The following PSD3 variants were observed in gnomAD, a reference collection of about 807,000 sequenced individuals.
PSD3 encodes the protein pleckstrin and Sec7 domain containing 3.
Under a neutral mutation model 105.5 loss-of-function variants are expected in PSD3, and 49 were observed. The ratio of observed to expected loss-of-function variants is 0.46; its 90% CI spans 0.37 to 0.59. The LOEUF is 0.59. Ranked by LOEUF, PSD3 falls within the 20% of genes least tolerant of loss-of-function variation. The pLI is 0.00. For synonymous variants in PSD3, 557 were observed against 457.8 expected (o/e 1.22, Z -2.77); for missense variants, 1,561 against 1,263.8 (o/e 1.24, Z -3.57).
intron 1 of PSD3, among the ~76,000 whole-genome samples, chr8:19,055,704 C>A (rs573005588): frequency 5.9e-5 from 9 of 152,310 alleles, no homozygotes; most frequent in African/African-American, 2.2e-4. Flanking sequence ...GTTGACAAAG[C>A]AAAGTTACAC....
chr8:18,771,547 T>C (rs540350706), intron 8 of PSD3, among the ~76,000 whole-genome samples: 1 of 152,240 alleles, frequency 6.6e-6, no homozygotes, highest in Non-Finnish European at 1.5e-5. Flanking sequence ...TTCAACTTCA[T>C]TCTTTTACAT....
At chr8:18,669,631 G>C (rs1166779524) in intron 9 of PSD3, among the ~76,000 whole-genome samples, 2 of 152,242 alleles carry the variant, frequency 1.3e-5, no homozygotes, top group East Asian at 3.9e-4. Context: ...GCACACGACA[G>C]TGAGATTGCA....
chr8:18,846,822 G>A (rs887116821), intron 4 of PSD3, among the ~76,000 whole-genome samples: 4 of 152,080 alleles, frequency 2.6e-5, no homozygotes, highest in Admixed American at 2.0e-4. Flanking sequence ...ATTATGGCAG[G>A]TTGGTGCTGG....
At position 18,896,633 on chromosome 8, in the gene PSD3, G is replaced by C. The variant is rs192560366; in HGVS notation, c.131-23900C>G. 4.0e-3 allele frequency among the ~76,000 whole-genome samples: 605 copies of C among 151,974 alleles called. 15 individuals are homozygous for C. The highest frequency in any genetic ancestry group is 0.037 in the Admixed American group (570 of 15,262). ...TCACCAGATTGCCCAGGCTGGTCTT[G>C]AACTCCTGAGCTCAAGCCATCTGCC... On this transcript the variant is annotated intron_variant, in intron 2 of 15. Transcript: ENST00000327040.
intron 1 of PSD3, among the ~76,000 whole-genome samples, chr8:18,998,095 T>C (rs1297932500): frequency 6.6e-6 from 1 of 151,914 alleles, no homozygotes; most frequent in African/African-American, 2.4e-5. Flanking sequence ...CACCATCTGT[T>C]GAATGAATGT....
intron 4 of PSD3, among the ~76,000 whole-genome samples, chr8:18,818,403 C>T (rs534232273): frequency 2.0e-5 from 3 of 151,510 alleles, no homozygotes; most frequent in African/African-American, 7.3e-5. Flanking sequence ...CCTTTGATTT[C>T]ACACTAGCGC....
intron 4 of PSD3, among the ~76,000 whole-genome samples, chr8:18,843,011 C>A (rs750681597): frequency 6.6e-5 from 10 of 152,198 alleles, no homozygotes; most frequent in Non-Finnish European, 1.5e-4. Context: ...ATTTTTTCCA[C>A]AGTCAATATG....
chr8:19,004,554 C>A (rs185781847), intron 1 of PSD3, among the ~76,000 whole-genome samples: 1 of 151,954 alleles, frequency 6.6e-6, no homozygotes, highest in East Asian at 1.9e-4. Context: ...AGACTTCAAC[C>A]CAGAATATAA....
At chr8:18,700,807 A>C (rs896264597) in intron 9 of PSD3, among the ~76,000 whole-genome samples, 1 of 152,132 alleles carries the variant, frequency 6.6e-6, no homozygotes, top group African/African-American at 2.4e-5. Context: ...ACTAAGATTC[A>C]CAACATTTGA....
chr8:18,635,155 G>A lies in PSD3; in HGVS notation c.2217-2349C>T, dbSNP rs185936424. Among the ~76,000 whole-genome samples the A allele has an allele frequency of 2.0e-5, 3 of 152,230 alleles. 1 individual carries two copies. The East Asian group carries it at 5.8e-4, about 29-fold the overall frequency. On this transcript the variant is annotated intron_variant, in intron 10 of 15. Transcript: ENST00000327040. ...GAGTTATAATAAGGTGTGCTCCTAT[G>A]TCCTGTGAACATGCCTCATCTTCTA...
At chr8:18,936,225 T>C (rs1822125347) in intron 1 of PSD3, 83 bp from the exon 2 acceptor site, 7 of 900,062 alleles carry the variant, frequency 7.8e-6, no homozygotes, top group East Asian at 2.4e-5. Context: ...CAACATGAGA[T>C]TGGTAAAATA....
chr8:18,743,514 G>A (rs1486878315), intron 9 of PSD3, among the ~76,000 whole-genome samples: 1 of 152,140 alleles, frequency 6.6e-6, no homozygotes, highest in African/African-American at 2.4e-5. Context: ...GGTGGGTCCA[G>A]TCTTTACTTG....
chr8:18,585,458 C>T (rs937790455), intron 12 of PSD3, among the ~76,000 whole-genome samples: 1 of 152,172 alleles, frequency 6.6e-6, no homozygotes, highest in Non-Finnish European at 1.5e-5. Context: ...GCTAGGACCA[C>T]AGGCAAGTAC....
At chr8:18,645,030 G>A (rs549313586) in intron 10 of PSD3, among the ~76,000 whole-genome samples, 1 of 152,196 alleles carries the variant, frequency 6.6e-6, no homozygotes, top group Non-Finnish European at 1.5e-5. Context: ...AAGAGAGCGA[G>A]TTGGGGATCA....
At chr8:18,851,037 C>A (rs889509115) in intron 4 of PSD3, among the ~76,000 whole-genome samples, 6 of 152,216 alleles carry the variant, frequency 3.9e-5, no homozygotes, top group African/African-American at 1.4e-4. Flanking sequence ...ACAGCTACAA[C>A]TGTTCCTTGG....
chr8:18,699,943 T>C (rs1801479084), intron 9 of PSD3, among the ~76,000 whole-genome samples: 1 of 152,094 alleles, frequency 6.6e-6, no homozygotes, highest in South Asian at 2.1e-4. Flanking sequence ...CATTGGCAAC[T>C]GATTAACTTT....
At chr8:19,017,815 A>C (rs1827225037), upstream of PSD3, among the ~76,000 whole-genome samples, 1 of 152,164 alleles carries the variant, frequency 6.6e-6, no homozygotes, top group African/African-American at 2.4e-5. Flanking sequence ...GAGTTCATGG[A>C]CATTTCAGTT....
intron 1 of PSD3, among the ~76,000 whole-genome samples, chr8:19,070,385 A>AC (rs1338086899): frequency 2.2e-5 from 3 of 138,828 alleles, no homozygotes; most frequent in Non-Finnish European, 1.6e-5. Context: ...AAAAAAAAAA[A>AC]CCCACAAAAA....
At chr8:18,599,619 C>T (rs1284345154) in intron 12 of PSD3, among the ~76,000 whole-genome samples, 3 of 152,132 alleles carry the variant, frequency 2.0e-5, no homozygotes, top group Non-Finnish European at 4.4e-5. Flanking sequence ...ATATAGATGA[C>T]CCTTAAAGAG....
Sources: allele counts gnomAD v4.1 joint callset (sites outside exome capture counted in the v4.1 genomes callset), GRCh38; gene constraint gnomAD v4.1.1; transcripts MANE v1.5; gene names NCBI Gene and HGNC (gene_info 2026-07-23, HGNC 2026-07-21).